The following BCO1 variants were observed in gnomAD, a reference collection of about 807,000 sequenced individuals.
BCO1 encodes beta-carotene oxygenase 1.
Under a neutral mutation model 56.3 loss-of-function variants are expected in BCO1, and 54 were observed. The observed-to-expected ratio is 0.96, with a 90% CI of 0.77 to 1.20. The LOEUF (loss-of-function observed/expected upper bound fraction) is 1.20. Ranked by LOEUF, BCO1 falls within the 50% of genes most tolerant of loss-of-function variation. The pLI is 0.00. For synonymous variants in BCO1, 318 were observed against 266.1 expected (o/e 1.20, Z -1.90); for missense variants, 801 against 690.9 (o/e 1.16, Z -1.79).
intron 10 of BCO1, among the ~76,000 whole-genome samples, chr16:81,288,204 C>T (rs7194998): frequency 0.48 from 72,290 of 152,008 alleles, 18,361 homozygotes; most frequent in East Asian, 0.77. Flanking sequence ...CACTCAGTGA[C>T]ATTAAACTCT....
At chr16:81,239,847 T>C (rs1253102397) in intron 1 of BCO1, among the ~76,000 whole-genome samples, 1 of 152,158 alleles carries the variant, frequency 6.6e-6, no homozygotes, top group Admixed American at 6.6e-5. Flanking sequence ...TGGTACCATT[T>C]CGACTCTAAA....
intron 2 of BCO1, among the ~76,000 whole-genome samples, chr16:81,259,381 C>G (rs538815561): frequency 6.6e-6 from 1 of 152,180 alleles, no homozygotes; most frequent in South Asian, 2.1e-4. Flanking sequence ...ATAATCCTAG[C>G]CACTCAGGAG....
chr16:81,242,416 G>C (rs1444229689), intron 1 of BCO1, among the ~76,000 whole-genome samples: 1 of 152,026 alleles, frequency 6.6e-6, no homozygotes, highest in Non-Finnish European at 1.5e-5. Flanking sequence ...GGCCAGGCTA[G>C]TCTCAAACTT....
chr16:81,270,442 T>C (rs1339590074), intron 7 of BCO1, 26 bp downstream of exon 7: 1 of 1,613,680 alleles, frequency 6.2e-7, no homozygotes, highest in East Asian at 2.2e-5. Flanking sequence ...GAGGTCCCTT[T>C]TCTTTCTAGA....
chr16:81,262,606 T>C (rs1906557233), intron 4 of BCO1: 1 of 360,118 alleles, frequency 2.8e-6, no homozygotes, highest in South Asian at 2.2e-5. Flanking sequence ...GGTGGGCAGA[T>C]CACCTGAGGT....
At chr16:81,249,731 C>T (rs2151929193) in intron 2 of BCO1, among the ~76,000 whole-genome samples, 1 of 152,282 alleles carries the variant, frequency 6.6e-6, no homozygotes, top group Non-Finnish European at 1.5e-5. Flanking sequence ...CTGGCATTGG[C>T]TGGGAAAATA....
At chr16:81,284,080 C>G (rs543159505) in intron 8 of BCO1, among the ~76,000 whole-genome samples, 38 of 151,340 alleles carry the variant, frequency 2.5e-4, no homozygotes, top group African/African-American at 9.0e-4. Context: ...GTAGTCCTAG[C>G]TACTTGGGAG....
chr16:81,260,063 C>A (rs905657559), intron 3 of BCO1, among the ~76,000 whole-genome samples: 1 of 152,134 alleles, frequency 6.6e-6, no homozygotes, highest in Non-Finnish European at 1.5e-5. Context: ...ATTATAAATG[C>A]GTATTCCCTT....
At chr16:81,275,571 C>T (rs564437172) in intron 7 of BCO1, among the ~76,000 whole-genome samples, 2 of 152,228 alleles carry the variant, frequency 1.3e-5, no homozygotes, top group Admixed American at 1.3e-4. Context: ...AGGACAGGGA[C>T]TCTGTCTCAT....
intron 7 of BCO1, 115 bp downstream of exon 7, chr16:81,270,531 A>C: frequency 7.1e-7 from 1 of 1,413,888 alleles, no homozygotes; most frequent in East Asian, 2.3e-5. Flanking sequence ...TTCTTGAAAA[A>C]AAAAAAAGTT....
intron 2 of BCO1, among the ~76,000 whole-genome samples, chr16:81,256,969 C>T (rs963124323): frequency 1.3e-5 from 2 of 151,964 alleles, no homozygotes; most frequent in African/African-American, 4.8e-5. Context: ...TCACTCCTGT[C>T]CTCCAAATCC....
Position 81,238,896 on chromosome 16 carries a change from G to C in BCO1, c.-13G>C, listed in dbSNP as rs377258076. ...TTTGCTGTTAAAATCGATCTCCCTC[G>C]GCACCCTGAGCAATGGATATAATAT... On this transcript the variant is annotated 5_prime_UTR_variant, in exon 1 of 11. Transcript: ENST00000258168. 2.1e-5 allele frequency: 34 copies of C among 1,613,738 alleles called. 1 individual carries two copies. In the South Asian group the frequency reaches 2.7e-4, roughly 13 times the overall value.
chr16:81,249,837 C>T (rs1905678224), intron 2 of BCO1, among the ~76,000 whole-genome samples: 1 of 152,182 alleles, frequency 6.6e-6, no homozygotes, highest in Non-Finnish European at 1.5e-5. Context: ...TTCTGCTTGG[C>T]AGGCATCATT....
chr16:81,282,677 T>A (rs1218986928), intron 8 of BCO1, among the ~76,000 whole-genome samples: 1 of 151,934 alleles, frequency 6.6e-6, no homozygotes, highest in Non-Finnish European at 1.5e-5. Flanking sequence ...ACATCCCTTT[T>A]TTTTTTTTCC....
In BCO1 at chr16:81,290,467, G is replaced by A. The variant is rs759269101; in HGVS notation, c.1534G>A (p.Asp512Asn). ...CTCTGTTGATGTCGATATGCACATGGATCTCCATGGATTATTCATTACAGA... is the reference window on the plus strand; with the variant it reads ...CTCTGTTGATGTCGATATGCACATGAATCTCCATGGATTATTCATTACAGA... ...RASVDVDMHMDLHGLFITDMD... is the reference protein window; with the variant it reads ...RASVDVDMHMNLHGLFITDMD... The change falls in exon 11 of 11, where the codon GAT becomes AAT. Residue 512 changes from aspartate to asparagine, a missense_variant. Coordinates refer to ENST00000258168, the MANE Select transcript of BCO1 (RefSeq NM_017429.3). The A allele has an allele frequency of 1.9e-6, 3 of 1,614,168 alleles. No homozygotes were observed. The highest frequency in any genetic ancestry group is 2.5e-6 in the Non-Finnish European group (3 of 1,180,028).
intron 2 of BCO1, among the ~76,000 whole-genome samples, chr16:81,248,232 T>C (rs1905543736): frequency 6.6e-6 from 1 of 151,586 alleles, no homozygotes; most frequent in African/African-American, 2.4e-5. Context: ...TGAAACCCCG[T>C]CTCTACTAAA....
At chr16:81,258,517 G>A (rs1221902431) in intron 2 of BCO1, among the ~76,000 whole-genome samples, 1 of 152,108 alleles carries the variant, frequency 6.6e-6, no homozygotes, top group East Asian at 1.9e-4. Context: ...AGGACTGAAC[G>A]GGGCCCTGGG....
intron 7 of BCO1, among the ~76,000 whole-genome samples, chr16:81,274,994 C>T (rs866236741): frequency 1.9e-4 from 29 of 152,344 alleles, no homozygotes; most frequent in African/African-American, 5.5e-4. Context: ...GCTCCAGCCA[C>T]GCTTTTTAAT....
At chr16:81,246,763 A>G (rs930320997) in intron 2 of BCO1, among the ~76,000 whole-genome samples, 14 of 150,648 alleles carry the variant, frequency 9.3e-5, no homozygotes. Flanking sequence ...AGGCACGAGA[A>G]TTGCTTGAAC....
Sources: allele counts gnomAD v4.1 joint callset (sites outside exome capture counted in the v4.1 genomes callset), GRCh38; gene constraint gnomAD v4.1.1; transcripts MANE v1.5; gene names NCBI Gene and HGNC (gene_info 2026-07-23, HGNC 2026-07-21).